The following SPMIP2 variants were observed in gnomAD, a reference collection of about 807,000 sequenced individuals.
SPMIP2 encodes sperm microtubule inner protein 2.
At chr4:159,032,391 C>CA in the SPMIP2 span, among the ~76,000 whole-genome samples, 1 of 152,014 alleles carries the variant, frequency 6.6e-6, no homozygotes, top group Admixed American at 6.5e-5. Flanking sequence ...ATAATTTATG[C>CA]AAAGTATTCA....
chr4:158,961,911 A>G, the SPMIP2 span, among the ~76,000 whole-genome samples: 100,151 of 151,788 alleles, frequency 0.66, 33,294 homozygotes, highest in South Asian at 0.8. Context: ...CTGGCCAATC[A>G]TTCCTAAGAG....
At chr4:158,936,234 A>T in the SPMIP2 span, among the ~76,000 whole-genome samples, 205 of 152,234 alleles carry the variant, frequency 1.3e-3, no homozygotes, top group Non-Finnish European at 2.4e-3. Context: ...AAAATTAAAG[A>T]AAGAAAATCA....
the SPMIP2 span, among the ~76,000 whole-genome samples, chr4:158,963,270 T>A: frequency 7.6e-6 from 1 of 132,258 alleles, no homozygotes; most frequent in African/African-American, 2.9e-5. Flanking sequence ...ACTGTTATCC[T>A]GTAGTAGGTA....
chr4:159,005,105 C>G, the SPMIP2 span, among the ~76,000 whole-genome samples: 2 of 149,146 alleles, frequency 1.3e-5, no homozygotes, highest in South Asian at 4.3e-4. Flanking sequence ...GTAGCGCAAG[C>G]CTGTAATCCC....
chr4:159,033,926 C>A, the SPMIP2 span, among the ~76,000 whole-genome samples: 1 of 152,296 alleles, frequency 6.6e-6, no homozygotes, highest in Non-Finnish European at 1.5e-5. Flanking sequence ...AGTTCGAGAC[C>A]AGCCTAGCCA....
chr4:158,921,225 G>A, the SPMIP2 span, among the ~76,000 whole-genome samples: 84,572 of 151,860 alleles, frequency 0.56, 24,315 homozygotes, highest in East Asian at 0.88. Context: ...GATCACCAGA[G>A]GTCCGGAGTA....
the SPMIP2 span, among the ~76,000 whole-genome samples, chr4:158,976,234 G>T: frequency 6.6e-6 from 1 of 152,174 alleles, no homozygotes; most frequent in African/African-American, 2.4e-5. Context: ...CATCTGCAAA[G>T]AGAGATAATT....
the SPMIP2 span, among the ~76,000 whole-genome samples, chr4:159,029,387 A>T: frequency 6.6e-6 from 1 of 152,254 alleles, no homozygotes; most frequent in Middle Eastern, 3.2e-3. Context: ...AAAGGTGCTC[A>T]CTTTGTAAAA....
chr4:158,939,535 C>T, the SPMIP2 span, among the ~76,000 whole-genome samples: 2 of 152,158 alleles, frequency 1.3e-5, no homozygotes, highest in East Asian at 3.8e-4. Flanking sequence ...TGATTTGTGT[C>T]ATGTTAGGAA....
the SPMIP2 span, among the ~76,000 whole-genome samples, chr4:159,052,958 T>A: frequency 0.25 from 22,730 of 89,292 alleles, 2,076 homozygotes; most frequent in African/African-American, 0.37. Context: ...TATTATTATT[T>A]TTTTTTTTTT....
At chr4:159,068,245 G>T in the SPMIP2 span, among the ~76,000 whole-genome samples, 1 of 152,150 alleles carries the variant, frequency 6.6e-6, no homozygotes, top group South Asian at 2.1e-4. Flanking sequence ...CAATAGCAAA[G>T]ACTTGGAATC....
the SPMIP2 span, chr4:158,904,481 C>T: frequency 6.2e-7 from 1 of 1,613,098 alleles, no homozygotes; most frequent in African/African-American, 1.3e-5. Flanking sequence ...AATCCAACGA[C>T]CTGCCTCTGT....
the SPMIP2 span, among the ~76,000 whole-genome samples, chr4:158,900,057 C>G: frequency 6.6e-6 from 1 of 152,186 alleles, no homozygotes; most frequent in Non-Finnish European, 1.5e-5. Flanking sequence ...TCATTGTTCT[C>G]ATTGGTTTCA....
the SPMIP2 span, among the ~76,000 whole-genome samples, chr4:158,978,507 C>T: frequency 0.013 from 1,911 of 152,204 alleles, 14 homozygotes; most frequent in Non-Finnish European, 0.016. Flanking sequence ...CTAATATTAA[C>T]GGTGGGGTGT....
the SPMIP2 span, among the ~76,000 whole-genome samples, chr4:159,036,295 G>T: frequency 6.6e-6 from 1 of 152,220 alleles, no homozygotes; most frequent in Non-Finnish European, 1.5e-5. Flanking sequence ...TTCAAGGAAG[G>T]CTTGTAGCCC....
At chr4:159,078,872 C>T in the SPMIP2 span, among the ~76,000 whole-genome samples, 1 of 152,162 alleles carries the variant, frequency 6.6e-6, no homozygotes, top group Non-Finnish European at 1.5e-5. Flanking sequence ...AATCCCAGCA[C>T]TTTGGGAGGC....
chr4:159,062,697 G>GTCTCTCTCTCTCTCTCTCTCTCTCTCAC, the SPMIP2 span, among the ~76,000 whole-genome samples: 1 of 95,112 alleles, frequency 1.1e-5, no homozygotes, highest in Non-Finnish European at 2.2e-5. Flanking sequence ...TTGAAACAGG[G>GTCTCTCTCTCTCTCTCTCTCTCTCTCAC]TCTCTCTCTC....
chr4:158,960,406 A>G, the SPMIP2 span: 1 of 959,122 alleles, frequency 1.0e-6, no homozygotes, highest in South Asian at 1.6e-5. Context: ...CGGTCTAAGT[A>G]TCCATATTTC....
the SPMIP2 span, among the ~76,000 whole-genome samples, chr4:158,995,164 T>C: frequency 6.6e-6 from 1 of 152,216 alleles, no homozygotes; most frequent in African/African-American, 2.4e-5. Context: ...GTGATCCTCC[T>C]ACTCTGGACA....
Sources: allele counts gnomAD v4.1 joint callset (sites outside exome capture counted in the v4.1 genomes callset), GRCh38; gene constraint gnomAD v4.1.1; transcripts MANE v1.5; gene names NCBI Gene and HGNC (gene_info 2026-07-23, HGNC 2026-07-21).